CELF2: variants seen among roughly 807,000 people sequenced by gnomAD.
CELF2 encodes the protein CUGBP Elav-like family member 2.
Under a neutral mutation model 62.6 loss-of-function variants are expected in CELF2, and 8 were observed. The ratio of observed to expected loss-of-function variants is 0.13; its 90% CI spans 0.07 to 0.23. The LOEUF is 0.23. Ranked by LOEUF, CELF2 falls within the 10% of genes least tolerant of loss-of-function variation. The pLI, the probability that CELF2 is intolerant of heterozygous loss-of-function variation, is 1.00. For synonymous variants in CELF2, 258 were observed against 250.0 expected, an observed-to-expected ratio of 1.03 and a Z score of -0.30; for missense variants, 333 against 671.0, an observed-to-expected ratio of 0.50 and a Z score of 5.56.
intron 2 of CELF2, among the ~76,000 whole-genome samples, chr10:10,999,883 T>C (rs1283672692): frequency 1.3e-5 from 2 of 152,240 alleles, no homozygotes; most frequent in Admixed American, 1.3e-4. Context: ...CAGATAATGG[T>C]CGAGTAACGT....
intron 5 of CELF2, among the ~76,000 whole-genome samples, chr10:11,262,940 C>CTTTTGTTTTTTTTTTTTTTTTTTTTT (rs2081120617): frequency 3.8e-5 from 2 of 52,766 alleles, no homozygotes; most frequent in East Asian, 9.7e-4. Context: ...AGTGGCTTTA[C>CTTTTGTTTTTTTTTTTTTTTTTTTTT]TTTTTTTTTT....
At chr10:11,232,468 C>G (rs140701044) in intron 3 of CELF2, among the ~76,000 whole-genome samples, 2 of 152,284 alleles carry the variant, frequency 1.3e-5, no homozygotes, top group East Asian at 3.9e-4. Context: ...CACACAGCCA[C>G]AGGACCAAGT....
intron 9 of CELF2, among the ~76,000 whole-genome samples, chr10:11,312,005 A>G (rs893044580): frequency 6.6e-6 from 1 of 152,244 alleles, no homozygotes; most frequent in Non-Finnish European, 1.5e-5. Context: ...GAAGCACCAT[A>G]GTGATAAATG....
chr10:10,571,173 G>A, the CELF2 span, among the ~76,000 whole-genome samples: 8 of 152,192 alleles, frequency 5.3e-5, no homozygotes, highest in South Asian at 2.1e-4. Flanking sequence ...AAACAAATGC[G>A]AGAATTAGAT....
In CELF2 at chr10:11,012,073, G is replaced by A. The variant is rs765064273; in HGVS notation, c.53+6633G>A. Among the ~76,000 whole-genome samples, 2 of 152,246 alleles carry A rather than the reference G, an allele frequency of 1.3e-5. No homozygotes were observed. The highest frequency in any genetic ancestry group is 2.9e-5 in the Non-Finnish European group (2 of 67,984). ...CTATTAGGAAGTACGGAATGGCCAC[G>A]CTTAAGAAGAAAGGTCTAGCTGATG... On this transcript the variant is annotated intron_variant, in intron 1 of 12. Transcript: ENST00000416382. This position sits in a 1 kb window ranked among gnomAD's most constrained non-coding sequence, Gnocchi z 5.5.
intron 1 of CELF2, among the ~76,000 whole-genome samples, chr10:10,913,949 G>GAAGGAAGGAAAAAGGGA (rs931765675): frequency 5.1e-3 from 755 of 148,798 alleles, no homozygotes; most frequent in Non-Finnish European, 5.7e-3. Flanking sequence ...AGAGAGGAAG[G>GAAGGAAGGAAAAAGGGA]AAGGAAGGAA....
the CELF2 span, among the ~76,000 whole-genome samples, chr10:10,522,297 C>T: frequency 1.3e-5 from 2 of 152,320 alleles, no homozygotes; most frequent in East Asian, 3.9e-4. Flanking sequence ...ATTCATCCAA[C>T]CAACATTAGG....
the CELF2 span, among the ~76,000 whole-genome samples, chr10:10,687,052 T>G: frequency 6.6e-6 from 1 of 152,168 alleles, no homozygotes; most frequent in East Asian, 1.9e-4. Flanking sequence ...CTTACCTGTT[T>G]CGATTCTGCT....
At chr10:11,116,290 T>G (rs917895797) in intron 1 of CELF2, among the ~76,000 whole-genome samples, 6 of 152,352 alleles carry the variant, frequency 3.9e-5, no homozygotes, top group Admixed American at 3.3e-4. Context: ...GTTATTAGAC[T>G]TAATTTTTAA....
chr10:10,803,308 C>T (rs2054858579), intron 1 of CELF2, among the ~76,000 whole-genome samples: 1 of 152,210 alleles, frequency 6.6e-6, no homozygotes, highest in Non-Finnish European at 1.5e-5. Context: ...CCTGCAAGGC[C>T]CCATCTGGCC....
At chr10:10,583,523 A>T in the CELF2 span, among the ~76,000 whole-genome samples, 2 of 152,278 alleles carry the variant, frequency 1.3e-5, no homozygotes, top group African/African-American at 4.8e-5. Flanking sequence ...GGTTAGCCTG[A>T]AGTTGCTGCC....
At chr10:10,720,126 G>A in the CELF2 span, among the ~76,000 whole-genome samples, 1 of 152,342 alleles carries the variant, frequency 6.6e-6, no homozygotes, top group East Asian at 1.9e-4. Context: ...GTTGTCGTCA[G>A]AAGCGCTGGG....
chr10:10,527,034 T>G, the CELF2 span, among the ~76,000 whole-genome samples: 6 of 152,316 alleles, frequency 3.9e-5, no homozygotes, highest in South Asian at 1.0e-3. Context: ...TCCAGATGTG[T>G]TTTTTTGCAT....
chr10:10,711,214 A>G, the CELF2 span, among the ~76,000 whole-genome samples: 2 of 152,188 alleles, frequency 1.3e-5, no homozygotes, highest in Non-Finnish European at 2.9e-5. Context: ...CGCCTAAAAG[A>G]TAGCCAATCA....
intron 1 of CELF2, among the ~76,000 whole-genome samples, chr10:11,020,735 G>A (rs2058176103): frequency 6.6e-6 from 1 of 152,184 alleles, no homozygotes; most frequent in Admixed American, 6.5e-5. Flanking sequence ...ATATGTTTGA[G>A]TCCTCAAGGC....
the CELF2 span, among the ~76,000 whole-genome samples, chr10:10,468,540 C>T: frequency 6.6e-6 from 1 of 151,974 alleles, no homozygotes; most frequent in Non-Finnish European, 1.5e-5. Flanking sequence ...TTTTGGCACC[C>T]ATTGAGTGGA....
chr10:11,200,288 C>G (rs2058929228), intron 2 of CELF2, among the ~76,000 whole-genome samples: 1 of 152,184 alleles, frequency 6.6e-6, no homozygotes, highest in Non-Finnish European at 1.5e-5. Flanking sequence ...TCACCTTTGC[C>G]TCCATTCTGT....
rs1373283373 is a variant in CELF2, at chr10:11,211,813, A to AGAGT, written c.272-5611_272-5610insAGTG. ...GTGTGAGAGAGAGAGAGAGAGAGAG[A>AGAGT]GTGTGTGTGTGTGTGTGTGTGTGTG... On this transcript the variant is annotated intron_variant, in intron 2 of 12. Coordinates refer to ENST00000633077, the MANE Select transcript of CELF2 (RefSeq NM_001326342.2). The surrounding 1 kb of genome is among the most constrained non-coding windows in gnomAD (Gnocchi z 4.8). Among the ~76,000 whole-genome samples the AGAGT allele has an allele frequency of 3.3e-3, 294 of 89,358 alleles. 3 individuals carry two copies. The highest frequency in any genetic ancestry group is 0.011 in the African/African-American group (239 of 21,212). 58.6% of individuals were successfully genotyped at this position (89,358 alleles called of 152,430 possible).
chr10:11,173,558 C>T (rs932830475), intron 2 of CELF2, among the ~76,000 whole-genome samples: 5 of 152,148 alleles, frequency 3.3e-5, no homozygotes, highest in South Asian at 2.1e-4. Flanking sequence ...CATGGTGAAA[C>T]GTGAAACACC....
Sources: gnomAD v4.1 joint callset for allele counts (sites outside exome capture counted in the v4.1 genomes callset) on GRCh38, gnomAD v4.1.1 for gene constraint, Gnocchi (gnomAD v3.1) non-coding constraint, MANE v1.5 for transcripts, NCBI Gene and HGNC (gene_info 2026-07-23, HGNC 2026-07-21) for gene names.